FGF2: variants seen among roughly 807,000 people sequenced by gnomAD.
FGF2 encodes the protein fibroblast growth factor 2.
Under a neutral mutation model 15.9 loss-of-function variants are expected in FGF2, and 13 were observed. That is an observed-to-expected ratio of 0.82 (90% CI 0.53 to 1.30). The LOEUF (loss-of-function observed/expected upper bound fraction) is 1.30, where lower values mean the gene tolerates loss of function less well. FGF2 is among the 50% of genes most tolerant of loss of function. The pLI, the probability that FGF2 is intolerant of heterozygous loss-of-function variation, is 0.00. For missense variants in FGF2, 163 were observed against 196.9 expected (o/e 0.83, Z 1.03); for synonymous variants, 90 against 78.4 (o/e 1.15, Z -0.78).
chr4:122,887,312 TCAAAA>T (rs903444994), intron 2 of FGF2, among the ~76,000 whole-genome samples: 11 of 152,264 alleles, frequency 7.2e-5, no homozygotes, highest in South Asian at 4.1e-4. Context: ...AGACTCTGTC[TCAAAA>T]CAAAACAAAA....
intron 1 of FGF2, among the ~76,000 whole-genome samples, chr4:122,870,889 T>A (rs1726717267): frequency 6.6e-6 from 1 of 152,188 alleles, no homozygotes; most frequent in Non-Finnish European, 1.5e-5. Context: ...TGTTCTTCCC[T>A]CTTTAGCTCT....
At chr4:122,830,975 G>C (rs1189260906) in intron 1 of FGF2, among the ~76,000 whole-genome samples, 1 of 152,124 alleles carries the variant, frequency 6.6e-6, no homozygotes, top group Non-Finnish European at 1.5e-5. Flanking sequence ...CCCCAGTGTG[G>C]AGCAGGGGTG....
intron 1 of FGF2, among the ~76,000 whole-genome samples, chr4:122,855,178 C>T (rs1485444526): frequency 6.6e-6 from 1 of 152,182 alleles, no homozygotes; most frequent in Non-Finnish European, 1.5e-5. Context: ...GAGGCACTTA[C>T]TTAATTAACT....
Position 122,892,467 on chromosome 4 carries a change from T to A in FGF2, c.*71T>A. The A allele has an allele frequency of 6.2e-7, 1 of 1,604,288 alleles. No homozygotes were observed. Among genetic ancestry groups the A allele is most frequent in the Non-Finnish European group, 8.5e-7 (1 of 1,173,472 alleles). ...TATTTTAGAAATTTGTTAATGAGAG[T>A]AAAAGAAAATAAATGTGTATAGCTC... is the stretch of plus-strand genomic sequence containing the variant. On this transcript the variant is annotated 3_prime_UTR_variant, in exon 3 of 3. Transcript: ENST00000644866.
At position 122,895,828 on chromosome 4, in the gene FGF2, A is replaced by C. The variant is rs1011810659; in HGVS notation, c.*3432A>C. ...AGGGTTTACTGTTTGAGCCAATATA[A>C]ATGTTTAACTGTTTGTGATGGCAGT... is the stretch of plus-strand genomic sequence containing the variant. On this transcript the variant is annotated 3_prime_UTR_variant, in exon 3 of 3. Coordinates refer to ENST00000644866, the MANE Select transcript of FGF2 (RefSeq NM_001361665.2). 3 of 152,214 alleles carry C rather than the reference A, an allele frequency of 2.0e-5. No homozygotes were observed. Among genetic ancestry groups the C allele is most frequent in the African/African-American group, 7.2e-5 (3 of 41,464 alleles). The allele number at this position is 152,214 out of a possible 1,614,324, so 9.4% of individuals were successfully genotyped here.
chr4:122,880,071 A>C (rs1449822526), intron 2 of FGF2, among the ~76,000 whole-genome samples: 1 of 152,184 alleles, frequency 6.6e-6, no homozygotes, highest in South Asian at 2.1e-4. Context: ...ATCTGAGACA[A>C]GGCAAGTCCC....
intron 1 of FGF2, among the ~76,000 whole-genome samples, chr4:122,847,520 T>C (rs1726136953): frequency 6.6e-6 from 1 of 152,192 alleles, no homozygotes; most frequent in African/African-American, 2.4e-5. Context: ...CTGGGACTGA[T>C]GACCTGATGA....
At chr4:122,835,837 G>A (rs1202398161) in intron 1 of FGF2, among the ~76,000 whole-genome samples, 1 of 152,108 alleles carries the variant, frequency 6.6e-6, no homozygotes, top group African/African-American at 2.4e-5. Context: ...AGCACTCTGT[G>A]CTTTAATTAT....
At chr4:122,863,147 A>C (rs1726506048) in intron 1 of FGF2, among the ~76,000 whole-genome samples, 1 of 152,212 alleles carries the variant, frequency 6.6e-6, no homozygotes, top group African/African-American at 2.4e-5. Flanking sequence ...TTTGCCAGCC[A>C]CCTCAGAAGC....
chr4:122,874,078 A>G (rs901858360), intron 1 of FGF2, among the ~76,000 whole-genome samples: 2 of 152,220 alleles, frequency 1.3e-5, no homozygotes, highest in Non-Finnish European at 2.9e-5. Flanking sequence ...GTTGATTGAT[A>G]AGGGACAGAA....
intron 2 of FGF2, among the ~76,000 whole-genome samples, chr4:122,892,008 G>T (rs1727200814): frequency 6.6e-6 from 1 of 152,202 alleles, no homozygotes; most frequent in Non-Finnish European, 1.5e-5. Flanking sequence ...GACATGCTGT[G>T]TTCCTGGCCT....
chr4:122,849,450 AG>A (rs893508897), intron 1 of FGF2, among the ~76,000 whole-genome samples: 2 of 149,586 alleles, frequency 1.3e-5, no homozygotes, highest in African/African-American at 4.9e-5. Context: ...AGGGCCTGTC[AG>A]GGGGTGGGGG....
chr4:122,838,576 C>G (rs1419488498), intron 1 of FGF2, among the ~76,000 whole-genome samples: 1 of 152,040 alleles, frequency 6.6e-6, no homozygotes, highest in Non-Finnish European at 1.5e-5. Context: ...GTTTAGAATA[C>G]AAGTTCATGG....
intron 1 of FGF2, among the ~76,000 whole-genome samples, chr4:122,861,142 G>T (rs980570872): frequency 6.6e-6 from 1 of 151,790 alleles, no homozygotes; most frequent in Admixed American, 6.6e-5. Flanking sequence ...TTTAATCTGC[G>T]CTGGCTACAC....
Position 122,827,402 on chromosome 4 carries a change from G to T in FGF2, c.178+50G>T, listed in dbSNP as rs745880627. ...CCTCATTTCCATTTCGTGGGTTCTC[G>T]CCCGCTCTCTCCCCTCCAGCCTGCA... On this transcript the variant is annotated intron_variant, in intron 1 of 2. Coordinates refer to ENST00000644866, the MANE Select transcript of FGF2 (RefSeq NM_001361665.2). This position sits in a 1 kb window ranked among gnomAD's most constrained non-coding sequence, Gnocchi z 4.2. The T allele has an allele frequency of 9.4e-6, 15 of 1,593,934 alleles. No individual in the cohort carries two copies. Among genetic ancestry groups the T allele is most frequent in the African/African-American group, 1.3e-5 (1 of 74,400 alleles).
intron 1 of FGF2, among the ~76,000 whole-genome samples, chr4:122,874,228 TA>T (rs1726793947): frequency 1.3e-5 from 2 of 152,248 alleles, no homozygotes; most frequent in African/African-American, 4.8e-5. Flanking sequence ...AATTTGCTTA[TA>T]CTCATTAAGA....
intron 1 of FGF2, among the ~76,000 whole-genome samples, chr4:122,868,072 T>A (rs954007330): frequency 6.6e-6 from 1 of 152,252 alleles, no homozygotes; most frequent in African/African-American, 2.4e-5. Context: ...GACAATTGTT[T>A]CCTTTTAGTG....
At position 122,871,360 on chromosome 4, in the gene FGF2, G is replaced by A. The variant is rs535262121; in HGVS notation, c.179-4961G>A. Among the ~76,000 whole-genome samples the A allele has an allele frequency of 2.0e-5, 3 of 152,190 alleles. No individual in the cohort carries two copies. The South Asian group carries it at 6.2e-4, about 32-fold the overall frequency. On this transcript the variant is annotated intron_variant, in intron 1 of 2. Coordinates refer to ENST00000644866, the MANE Select transcript of FGF2 (RefSeq NM_001361665.2). ...CCACTTGATCCAGAGCTGAGTTCAAGTCCTGAATATCCTTGTTAATTTTCT... is the reference window on the plus strand; with the variant it reads ...CCACTTGATCCAGAGCTGAGTTCAAATCCTGAATATCCTTGTTAATTTTCT...
chr4:122,893,038 C>T lies in FGF2; in HGVS notation c.*642C>T. 6.2e-7 allele frequency: 1 copy of T among 1,614,152 alleles called. No individual in the cohort carries two copies. Among genetic ancestry groups the T allele is most frequent in the East Asian group, 2.2e-5 (1 of 44,882 alleles). ...TCGCCAGGTCATTGAGATCCATCCACTCACATCTTAAGCATTCTTCCTGGC... is the reference window on the plus strand; with the variant it reads ...TCGCCAGGTCATTGAGATCCATCCATTCACATCTTAAGCATTCTTCCTGGC... On this transcript the variant is annotated 3_prime_UTR_variant, in exon 3 of 3. Coordinates refer to ENST00000644866, the MANE Select transcript of FGF2 (RefSeq NM_001361665.2).
Sources: gnomAD v4.1 joint callset for allele counts (sites outside exome capture counted in the v4.1 genomes callset) on GRCh38, gnomAD v4.1.1 for gene constraint, Gnocchi (gnomAD v3.1) non-coding constraint, MANE v1.5 for transcripts, NCBI Gene and HGNC (gene_info 2026-07-23, HGNC 2026-07-21) for gene names.